The following GALNT13 variants were observed in gnomAD, a reference collection of about 807,000 sequenced individuals.
GALNT13 encodes UDP-GalNAc:polypeptide N-acetylgalactosaminyltransferase 13.
Under a neutral mutation model 64.2 loss-of-function variants are expected in GALNT13, and 28 were observed. That is an observed-to-expected ratio of 0.44 (90% CI 0.32 to 0.60). The LOEUF is 0.60. GALNT13 is among the 20% of genes least tolerant of loss of function. GALNT13 has a pLI of 0.05. For synonymous variants in GALNT13, 214 were observed against 224.6 expected (o/e 0.95, Z 0.42); for missense variants, 577 against 669.8 (o/e 0.86, Z 1.53).
At chr2:153,727,601 T>C in the GALNT13 span, among the ~76,000 whole-genome samples, 1 of 152,300 alleles carries the variant, frequency 6.6e-6, no homozygotes, top group East Asian at 1.9e-4. Flanking sequence ...AGAGTTCTAG[T>C]TGGTCTATAG....
chr2:154,364,747 C>A (rs1697271570), intron 9 of GALNT13, among the ~76,000 whole-genome samples: 1 of 152,156 alleles, frequency 6.6e-6, no homozygotes, highest in Non-Finnish European at 1.5e-5. Flanking sequence ...TCTTGGCTCA[C>A]CGCAACTCCA....
chr2:153,294,886 A>G, the GALNT13 span, among the ~76,000 whole-genome samples: 6 of 152,148 alleles, frequency 3.9e-5, no homozygotes, highest in Admixed American at 1.3e-4. Context: ...TTTTCACTGT[A>G]TCTTACAGGC....
At chr2:154,066,240 C>A (rs1193053198) in intron 3 of GALNT13, among the ~76,000 whole-genome samples, 3 of 151,924 alleles carry the variant, frequency 2.0e-5, no homozygotes, top group African/African-American at 7.3e-5. Context: ...AGAAAATAGC[C>A]TCAGAAGGGC....
chr2:153,321,052 G>A, the GALNT13 span, among the ~76,000 whole-genome samples: 2 of 152,106 alleles, frequency 1.3e-5, no homozygotes, highest in Admixed American at 6.6e-5. Flanking sequence ...ACTGTTTTGA[G>A]TGAGAACAGG....
chr2:153,213,781 G>C, the GALNT13 span, among the ~76,000 whole-genome samples: 8 of 152,116 alleles, frequency 5.3e-5, no homozygotes, highest in African/African-American at 1.9e-4. Context: ...GGATTTTTCT[G>C]AGGATGACAG....
chr2:154,051,119 C>T (rs1305053434), intron 3 of GALNT13, among the ~76,000 whole-genome samples: 1 of 152,056 alleles, frequency 6.6e-6, no homozygotes. Flanking sequence ...CATATCATCT[C>T]GTGGATCAGT....
chr2:153,182,339 C>T, the GALNT13 span, among the ~76,000 whole-genome samples: 57 of 152,236 alleles, frequency 3.7e-4, no homozygotes, highest in African/African-American at 1.1e-3. Context: ...CCACAGTGCC[C>T]GGCTGCAGTT....
intron 3 of GALNT13, among the ~76,000 whole-genome samples, chr2:154,092,075 GAAAAAAAAA>G (rs58406719): frequency 8.1e-5 from 6 of 74,508 alleles, no homozygotes; most frequent in African/African-American, 2.1e-4. Flanking sequence ...TTCATGTCTG[GAAAAAAAAA>G]AAAAAAAAAA....
the GALNT13 span, among the ~76,000 whole-genome samples, chr2:153,337,206 A>G: frequency 6.6e-6 from 1 of 152,210 alleles, no homozygotes; most frequent in Non-Finnish European, 1.5e-5. Context: ...TATTTGAGAT[A>G]TCATAATTTA....
At chr2:153,610,542 G>A in the GALNT13 span, among the ~76,000 whole-genome samples, 1 of 152,060 alleles carries the variant, frequency 6.6e-6, no homozygotes, top group Non-Finnish European at 1.5e-5. Flanking sequence ...AGGCTTCATG[G>A]CGGGCACCTG....
the GALNT13 span, among the ~76,000 whole-genome samples, chr2:153,581,927 G>T: frequency 6.6e-6 from 1 of 152,160 alleles, no homozygotes; most frequent in Admixed American, 6.5e-5. Flanking sequence ...ACATCTCTTT[G>T]TAAGTGGATA....
At chr2:153,104,067 A>G in the GALNT13 span, among the ~76,000 whole-genome samples, 2 of 152,156 alleles carry the variant, frequency 1.3e-5, no homozygotes, top group Non-Finnish European at 2.9e-5. Context: ...ACTTAGCTCA[A>G]TGCCTTCACA....
intron 3 of GALNT13, among the ~76,000 whole-genome samples, chr2:153,975,029 A>T (rs1693986923): frequency 6.6e-6 from 1 of 152,106 alleles, no homozygotes; most frequent in African/African-American, 2.4e-5. Flanking sequence ...CTTTATTTGC[A>T]TATGACTGTC....
the GALNT13 span, chr2:153,420,678 T>G: frequency 1.8e-5 from 4 of 224,064 alleles, no homozygotes. Context: ...AAATTAGTGT[T>G]CCCCTTCTTT....
intron 11 of GALNT13, among the ~76,000 whole-genome samples, chr2:154,424,023 A>G (rs1480242409): frequency 6.6e-6 from 1 of 152,190 alleles, no homozygotes; most frequent in Non-Finnish European, 1.5e-5. Flanking sequence ...GATATTCTAT[A>G]AAGTGCCTGA....
At chr2:153,340,919 G>T in the GALNT13 span, among the ~76,000 whole-genome samples, 1 of 152,162 alleles carries the variant, frequency 6.6e-6, no homozygotes, top group Admixed American at 6.5e-5. Flanking sequence ...AGCAACATCA[G>T]CATCATCCAG....
chr2:154,317,076 G>A (rs564204572), intron 9 of GALNT13, among the ~76,000 whole-genome samples: 2 of 152,204 alleles, frequency 1.3e-5, no homozygotes, highest in Admixed American at 1.3e-4. Context: ...AGCTGGGCGT[G>A]GTGGTATGCA....
intron 8 of GALNT13, among the ~76,000 whole-genome samples, chr2:154,262,618 G>A (rs1033876803): frequency 1.2e-4 from 18 of 152,122 alleles, no homozygotes; most frequent in African/African-American, 3.9e-4. Flanking sequence ...AATTAATTAT[G>A]TTTAGACAGT....
At chr2:153,318,695 G>A in the GALNT13 span, among the ~76,000 whole-genome samples, 1 of 152,024 alleles carries the variant, frequency 6.6e-6, no homozygotes, top group Non-Finnish European at 1.5e-5. Context: ...TCCATTTTTT[G>A]CTTGAGGCTA....
Sources: allele counts gnomAD v4.1 joint callset (sites outside exome capture counted in the v4.1 genomes callset), GRCh38; gene constraint gnomAD v4.1.1; transcripts MANE v1.5; gene names NCBI Gene and HGNC (gene_info 2026-07-23, HGNC 2026-07-21).